PRRC2B: variants seen among roughly 807,000 people sequenced by gnomAD.
PRRC2B encodes proline rich coiled-coil 2B.
In PRRC2B, 68 loss-of-function variants were observed where a neutral mutation model predicts 242.3. The observed-to-expected ratio is 0.28, with a 90% CI of 0.23 to 0.34. The LOEUF is 0.34. Among genes scored for constraint, PRRC2B ranks in the 10% least tolerant of loss-of-function variants. The probability of loss-of-function intolerance (pLI) is 1.00; values close to 1 mark genes in which losing one functional copy is unlikely to be tolerated. For missense variants in PRRC2B, 2,835 were observed against 2,954.8 expected (o/e 0.96, Z 0.94); for synonymous variants, 1,228 against 1,173.6 (o/e 1.05, Z -0.95).
At chr9:131,495,340 C>G (rs1944302760) in intron 31 of PRRC2B, among the ~76,000 whole-genome samples, 1 of 152,046 alleles carries the variant, frequency 6.6e-6, no homozygotes, top group African/African-American at 2.4e-5. Context: ...GTCGGGGGCT[C>G]CGAGACGTGC....
chr9:131,442,664 A>C (rs1838637297), intron 5 of PRRC2B, among the ~76,000 whole-genome samples: 1 of 152,214 alleles, frequency 6.6e-6, no homozygotes, highest in Non-Finnish European at 1.5e-5. Context: ...GAATAATTTA[A>C]ACTACTTAGG....
intron 1 of PRRC2B, among the ~76,000 whole-genome samples, chr9:131,413,462 A>AT (rs1310675459): frequency 6.6e-6 from 1 of 152,210 alleles, no homozygotes; most frequent in Non-Finnish European, 1.5e-5. Flanking sequence ...AGGAAATTAA[A>AT]TTTACGTTCA....
At chr9:131,379,921 G>C (rs1379705669) in intron 1 of PRRC2B, among the ~76,000 whole-genome samples, 1 of 150,612 alleles carries the variant, frequency 6.6e-6, no homozygotes, top group African/African-American at 2.4e-5. Flanking sequence ...ACCGCACCCA[G>C]CCAGCCTTTT....
At chr9:131,387,566 C>T (rs1203526971) in intron 1 of PRRC2B, among the ~76,000 whole-genome samples, 1 of 150,344 alleles carries the variant, frequency 6.7e-6, no homozygotes, top group Admixed American at 6.9e-5. Context: ...CGATATCTCC[C>T]TTGTGCCAGA....
At chr9:131,484,459 T>A (rs1254913770) in intron 23 of PRRC2B, among the ~76,000 whole-genome samples, 1 of 152,172 alleles carries the variant, frequency 6.6e-6, no homozygotes, top group African/African-American at 2.4e-5. Context: ...TGCCATCAGT[T>A]TCATCTGGGT....
rs768425412 is a variant in PRRC2B, at chr9:131,447,659, C to T, written c.978-3C>T. The T allele has an allele frequency of 1.9e-6, 3 of 1,585,416 alleles. No individual in the cohort carries two copies. The highest frequency in any genetic ancestry group is 2.2e-5 in the South Asian group (2 of 88,900). ...ATGATTCCATCATCTTTTCTTTTAT[C>T]AGAAAAGAAAACAGGCTGGGATTGT... On this transcript the variant is annotated splice_region_variant and splice_polypyrimidine_tract_variant and intron_variant, in intron 8 of 31. Coordinates refer to ENST00000683519, the MANE Select transcript of PRRC2B (RefSeq NM_013318.4).
intron 19 of PRRC2B, among the ~76,000 whole-genome samples, chr9:131,481,234 C>G (rs1221559453): frequency 7.6e-6 from 1 of 132,088 alleles, no homozygotes; most frequent in East Asian, 2.4e-4. Flanking sequence ...GGCGTGAACC[C>G]GGGAGGCAGA....
Position 131,470,883 on chromosome 9 carries a change from C to T in PRRC2B, c.2007C>T (p.Gly669=). ...TFYPHHPQML[G]FDPRWMMMPS... ...ACCCACACCACCCCCAGATGTTGGG[C>T]TTCGATCCCAGGTGGATGATGATGC... The change falls in exon 14 of 32, where the codon GGC becomes GGT. Residue 669 remains glycine, a synonymous_variant. Coordinates refer to ENST00000683519, the MANE Select transcript of PRRC2B (RefSeq NM_013318.4). The T allele has an allele frequency of 6.3e-7, 1 of 1,580,156 alleles. No homozygotes were observed. Among genetic ancestry groups the T allele is most frequent in the Non-Finnish European group, 8.6e-7 (1 of 1,159,720 alleles).
chr9:131,389,150 T>G (rs947929244), upstream of PRRC2B, among the ~76,000 whole-genome samples: 8 of 70,804 alleles, frequency 1.1e-4, no homozygotes, highest in African/African-American at 4.7e-4. Flanking sequence ...CTCCTTTCAA[T>G]TTTTTTTTTT....
intron 1 of PRRC2B, among the ~76,000 whole-genome samples, chr9:131,403,015 C>G (rs1477185914): frequency 6.6e-6 from 1 of 152,158 alleles, no homozygotes; most frequent in African/African-American, 2.4e-5. Flanking sequence ...CGCTGCAGGA[C>G]CTACTGGAAA....
At chr9:131,431,833 G>A (rs901930241) in intron 2 of PRRC2B, among the ~76,000 whole-genome samples, 12 of 149,368 alleles carry the variant, frequency 8.0e-5, no homozygotes, top group Admixed American at 2.7e-4. Context: ...TGATCCGCCC[G>A]CCTCGGCCTC....
intron 9 of PRRC2B, among the ~76,000 whole-genome samples, chr9:131,451,876 T>G (rs1316190084): frequency 6.6e-6 from 1 of 152,214 alleles, no homozygotes; most frequent in Non-Finnish European, 1.5e-5. Context: ...TTTTTTTTAA[T>G]GCTAAACCAA....
intron 1 of PRRC2B, among the ~76,000 whole-genome samples, chr9:131,419,652 G>T (rs1837745138): frequency 6.6e-6 from 1 of 151,120 alleles, no homozygotes; most frequent in South Asian, 2.1e-4. Context: ...GGGGGTCTTT[G>T]TTCTCTTGTT....
intron 17 of PRRC2B, among the ~76,000 whole-genome samples, chr9:131,478,230 TCA>T (rs10580322): frequency 1 from 152,166 of 152,186 alleles, 76,073 homozygotes; most frequent in Non-Finnish European, 1. Flanking sequence ...GTGTCCGAGG[TCA>T]CACACAGCTG....
chr9:131,495,969 C>T lies in PRRC2B; in HGVS notation c.*95C>T, dbSNP rs758435115. 245 of 1,504,952 alleles carry T rather than the reference C, an allele frequency of 1.6e-4. No individual in the cohort carries two copies. The highest frequency in any genetic ancestry group is 2.1e-4 in the Non-Finnish European group (234 of 1,113,728). The allele number at this position is 1,504,952 out of a possible 1,614,324, so 93.2% of individuals were successfully genotyped here. ...CACTCGGGAGCCTCACCAGATCCAC[C>T]GTCCAAATGCGTGGCCCAGACTGAG... On this transcript the variant is annotated 3_prime_UTR_variant, in exon 32 of 32. Coordinates refer to ENST00000683519, the MANE Select transcript of PRRC2B (RefSeq NM_013318.4).
At chr9:131,464,198 T>TC (rs1386725416) in intron 11 of PRRC2B, among the ~76,000 whole-genome samples, 1 of 152,202 alleles carries the variant, frequency 6.6e-6, no homozygotes, top group East Asian at 1.9e-4. Context: ...CGCCTCAGAC[T>TC]CCCAAAGTGC....
intron 1 of PRRC2B, among the ~76,000 whole-genome samples, chr9:131,429,251 G>T (rs796220211): frequency 2.0e-5 from 3 of 151,678 alleles, no homozygotes; most frequent in Non-Finnish European, 4.4e-5. Flanking sequence ...CCAGCCAGGC[G>T]CTTAGTATTT....
chr9:131,382,845 A>T (rs777869253), intron 1 of PRRC2B, among the ~76,000 whole-genome samples: 1 of 152,028 alleles, frequency 6.6e-6, no homozygotes, highest in Non-Finnish European at 1.5e-5. Context: ...GAGTTTCACC[A>T]TATTGGCCAG....
Position 131,498,803 on chromosome 9 carries a change from G to A in PRRC2B, c.*2929G>A, listed in dbSNP as rs143302559. The A allele has an allele frequency of 2.6e-5, 4 of 152,230 alleles. No homozygotes were observed. Among genetic ancestry groups the A allele is most frequent in the East Asian group, 1.9e-4 (1 of 5,164 alleles). 9.4% of individuals were successfully genotyped at this position (152,230 alleles called of 1,614,324 possible). A position where few individuals can be genotyped will look rare whatever the true frequency, so the allele number is the denominator to read the frequency against. ...GCTCTGCCTTGGTCACTGGGGATGC[G>A]GCTCGTTGCTCAGCCACCAGTGGCC... On this transcript the variant is annotated 3_prime_UTR_variant, in exon 32 of 32. Transcript: ENST00000683519.
Sources: allele counts gnomAD v4.1 joint callset (sites outside exome capture counted in the v4.1 genomes callset), GRCh38; gene constraint gnomAD v4.1.1; transcripts MANE v1.5; gene names NCBI Gene and HGNC (gene_info 2026-07-23, HGNC 2026-07-21).